PLD5: variants seen among roughly 807,000 people sequenced by gnomAD.
The protein encoded by PLD5 is phospholipase D family member 5.
PLD5 carries 36 observed loss-of-function variants against 61.1 expected under a neutral mutation model. The ratio of observed to expected loss-of-function variants is 0.59; its 90% CI spans 0.45 to 0.78. The LOEUF is 0.78. Ranked by LOEUF, PLD5 falls within the 30% of genes least tolerant of loss-of-function variation. The pLI is 0.00. For missense variants in PLD5, 515 were observed against 644.4 expected (o/e 0.80, Z 2.17); for synonymous variants, 243 against 242.8 (o/e 1.00, Z -0.01).
chr1:242,208,850 A>G (rs1669615097), intron 5 of PLD5, among the ~76,000 whole-genome samples: 1 of 152,198 alleles, frequency 6.6e-6, no homozygotes, highest in Admixed American at 6.5e-5. Context: ...GACCAAGATT[A>G]AAATACACAC....
chr1:242,520,071 T>TC (rs1282974425), intron 1 of PLD5, among the ~76,000 whole-genome samples: 1 of 152,188 alleles, frequency 6.6e-6, no homozygotes, highest in Non-Finnish European at 1.5e-5. Context: ...CTTAGCTGGA[T>TC]CCCCTTGTGC....
chr1:242,234,468 G>A (rs1671511295), intron 4 of PLD5, among the ~76,000 whole-genome samples: 1 of 152,108 alleles, frequency 6.6e-6, no homozygotes, highest in Non-Finnish European at 1.5e-5. Context: ...AACCATATAT[G>A]AGACCAGGAC....
rs377538442 is a variant in PLD5 at position 242,170,937 on chromosome 1, G to A, written c.736-46272C>T. Among the ~76,000 whole-genome samples, 81 of 152,302 alleles carry A rather than the reference G, an allele frequency of 5.3e-4. 2 individuals carry two copies. In the South Asian group the frequency reaches 0.016, roughly 30 times the overall value. ...TTGATTGGTGTACCTGAAAGTGACA[G>A]GGAGAATGGAACCAAGCTGGAAAAC... On this transcript the variant is annotated intron_variant, in intron 5 of 9. Transcript: ENST00000536534.
At chr1:242,112,321 G>A (rs201785672) in intron 7 of PLD5, among the ~76,000 whole-genome samples, 1,548 of 82,498 alleles carry the variant, frequency 0.019, 38 homozygotes, top group African/African-American at 0.082. Flanking sequence ...GTGTGTGTGT[G>A]TGTATGTATG....
intron 1 of PLD5, among the ~76,000 whole-genome samples, chr1:242,384,454 G>A (rs919782419): frequency 6.6e-6 from 1 of 152,168 alleles, no homozygotes; most frequent in Non-Finnish European, 1.5e-5. Flanking sequence ...ATCAAATTTC[G>A]TGTCCAAAAA....
At chr1:242,134,989 A>C (rs1235777244) in intron 5 of PLD5, among the ~76,000 whole-genome samples, 2 of 152,238 alleles carry the variant, frequency 1.3e-5, no homozygotes, top group African/African-American at 4.8e-5. Context: ...TAGTGGATAG[A>C]GCAAGGACTC....
At chr1:242,279,907 T>C (rs1386919104) in intron 3 of PLD5, among the ~76,000 whole-genome samples, 3 of 152,234 alleles carry the variant, frequency 2.0e-5, no homozygotes, top group African/African-American at 7.2e-5. Flanking sequence ...TAACTTCTTT[T>C]CATATAAGTT....
intron 5 of PLD5, among the ~76,000 whole-genome samples, chr1:242,143,833 CTTTCCTTTTTTT>C (rs560181308): frequency 2.2e-3 from 334 of 151,898 alleles, no homozygotes; most frequent in African/African-American, 7.2e-3. Flanking sequence ...TATTTTATTT[CTTTCCTTTTTTT>C]TTTCCTTTTT....
intron 1 of PLD5, among the ~76,000 whole-genome samples, chr1:242,469,785 AT>A (rs1667384639): frequency 6.6e-6 from 1 of 152,148 alleles, no homozygotes; most frequent in Admixed American, 6.5e-5. Flanking sequence ...CCCTGCCAGC[AT>A]CCCCATCCAG....
chr1:242,427,196 G>T (rs2043911), intron 1 of PLD5, among the ~76,000 whole-genome samples: 102,663 of 152,110 alleles, frequency 0.67, 35,394 homozygotes, highest in African/African-American at 0.81. Flanking sequence ...CACATAATTA[G>T]GAATTAGAAT....
At chr1:242,163,497 A>G (rs938103361) in intron 5 of PLD5, among the ~76,000 whole-genome samples, 2 of 152,162 alleles carry the variant, frequency 1.3e-5, no homozygotes, top group Non-Finnish European at 2.9e-5. Flanking sequence ...TGTGGATTTT[A>G]TTGTAATTGA....
At chr1:242,520,370 C>A (rs2103011546) in intron 1 of PLD5, among the ~76,000 whole-genome samples, 1 of 152,236 alleles carries the variant, frequency 6.6e-6, no homozygotes, top group East Asian at 1.9e-4. Flanking sequence ...AATGTTCGTT[C>A]CTGCACTACA....
At chr1:242,381,873 T>C (rs1662297693) in intron 1 of PLD5, among the ~76,000 whole-genome samples, 2 of 152,220 alleles carry the variant, frequency 1.3e-5, no homozygotes, top group South Asian at 4.1e-4. Context: ...CTCTGGCTGT[T>C]GGCAGAGAAT....
intron 1 of PLD5, among the ~76,000 whole-genome samples, chr1:242,434,412 G>A (rs114320163): frequency 0.026 from 3,895 of 152,256 alleles, 71 homozygotes; most frequent in Non-Finnish European, 0.039. Flanking sequence ...CATTGTTTTA[G>A]ACAAGGTGGG....
chr1:242,126,360 C>A (rs1361785907), intron 5 of PLD5, among the ~76,000 whole-genome samples: 1 of 152,178 alleles, frequency 6.6e-6, no homozygotes, highest in Non-Finnish European at 1.5e-5. Context: ...CAAAGCAAGA[C>A]TAAGCGAAAA....
intron 1 of PLD5, among the ~76,000 whole-genome samples, chr1:242,359,149 G>A (rs1020345046): frequency 1.3e-5 from 2 of 151,956 alleles, no homozygotes; most frequent in Admixed American, 6.6e-5. Flanking sequence ...ACTGGTCTCC[G>A]TGGGTTTTAC....
chr1:242,330,808 T>C (rs1312314491), intron 2 of PLD5, among the ~76,000 whole-genome samples: 3 of 152,220 alleles, frequency 2.0e-5, no homozygotes, highest in South Asian at 2.1e-4. Flanking sequence ...TGGCATTTCA[T>C]AGACATACTT....
intron 1 of PLD5, among the ~76,000 whole-genome samples, chr1:242,464,884 C>A (rs10047180): frequency 0.69 from 104,751 of 152,062 alleles, 36,832 homozygotes; most frequent in African/African-American, 0.83. Context: ...TGCTAAGTGA[C>A]AGAAGCCAGA....
At chr1:242,300,312 C>T (rs1365231505) in intron 2 of PLD5, among the ~76,000 whole-genome samples, 2 of 151,944 alleles carry the variant, frequency 1.3e-5, no homozygotes, top group Admixed American at 6.6e-5. Context: ...GGCATGGTTG[C>T]GGGCACCAGT....
Sources: gnomAD v4.1 joint callset for allele counts (sites outside exome capture counted in the v4.1 genomes callset) on GRCh38, gnomAD v4.1.1 for gene constraint, MANE v1.5 for transcripts, NCBI Gene and HGNC (gene_info 2026-07-23, HGNC 2026-07-21) for gene names.